TBX19: variants seen among roughly 807,000 people sequenced by gnomAD.
The protein encoded by TBX19 is T-box transcription factor 19, also known as T-box transcription factor TBX19.
TBX19 carries 33 observed loss-of-function variants against 40.9 expected under a neutral mutation model. That is an observed-to-expected ratio of 0.81 (90% CI 0.61 to 1.08). TBX19 has a LOEUF of 1.08. Among genes scored for constraint, TBX19 ranks in the 50% least tolerant of loss-of-function variants. TBX19 has a pLI of 0.00. For missense variants in TBX19, 494 were observed against 574.0 expected, an observed-to-expected ratio of 0.86 and a Z score of 1.42; for synonymous variants, 220 against 225.0, an observed-to-expected ratio of 0.98 and a Z score of 0.20.
Position 168,312,932 on chromosome 1 carries a change from C to T in TBX19, c.1277C>T (p.Ser426Leu), listed in dbSNP as rs148791684. 30 of 1,614,236 alleles carry T rather than the reference C, an allele frequency of 1.9e-5. No homozygotes were observed. In the African/African-American group the frequency reaches 2.7e-4, roughly 14 times the overall value. ...IAVSTWTAVA[S>L]HPFAGWGGPG... ...GTGTCCACCTGGACAGCAGTGGCCT[C>T]GCATCCCTTCGCGGGCTGGGGTGGC... is the stretch of plus-strand genomic sequence containing the variant. The change falls in exon 8 of 8, where the codon TCG (serine) becomes TTG (leucine). Residue 426 changes from serine to leucine, a missense_variant. Coordinates refer to ENST00000367821, the MANE Select transcript of TBX19 (RefSeq NM_005149.3).
In TBX19 at chr1:168,298,824, T is replaced by TCCCC. The variant is rs1558192751; in HGVS notation, c.665+1039_665+1040insCCCC. ...TCCCCTCCCTCCCTCCCTCCCTTCC[T>TCCCC]TTCTTTCTTTCTTTCTTTCTTTCTT... On this transcript the variant is annotated intron_variant, in intron 4 of 7. Coordinates refer to ENST00000367821, the MANE Select transcript of TBX19 (RefSeq NM_005149.3). Among the ~76,000 whole-genome samples the TCCCC allele has an allele frequency of 3.5e-3, 47 of 13,336 alleles. 1 individual carries two copies. Among genetic ancestry groups the TCCCC allele is most frequent in the East Asian group, 0.013 (3 of 224 alleles). The allele number at this position is 13,336 out of a possible 152,430, so 8.7% of individuals were successfully genotyped here. A position where few individuals can be genotyped will look rare whatever the true frequency, so the allele number is the denominator to read the frequency against.
At chr1:168,300,727 TTC>T (rs1649256824) in intron 5 of TBX19, among the ~76,000 whole-genome samples, 1 of 152,196 alleles carries the variant, frequency 6.6e-6, no homozygotes, top group South Asian at 2.1e-4. Flanking sequence ...AATGATGAAT[TTC>T]TTAGACTCTG....
chr1:168,298,897 TTC>T lies in TBX19; in HGVS notation c.665+1126_665+1127del, dbSNP rs373554389. Reference sequence around the variant, plus strand: ...TTTCTTTCTTTCTTTCTTTCTTTCTTTCTCTCTCTCTCTCTTTCTTTCATTCT... The same window carrying T: ...TTTCTTTCTTTCTTTCTTTCTTTCTTTCTCTCTCTCTCTTTCTTTCATTCT... On this transcript the variant is annotated intron_variant, in intron 4 of 7. Transcript: ENST00000367821. Among the ~76,000 whole-genome samples the T allele has an allele frequency of 2.9e-3, 303 of 103,942 alleles. 24 individuals are homozygous for T. The highest frequency in any genetic ancestry group is 0.023 in the East Asian group (63 of 2,756). 68.2% of individuals were successfully genotyped at this position (103,942 alleles called of 152,430 possible).
chr1:168,295,234 T>G lies in TBX19; in HGVS notation c.603+1956T>G, dbSNP rs545538235. On this transcript the variant is annotated intron_variant, in intron 3 of 7. Transcript: ENST00000367821. The stretch of plus-strand genomic sequence containing the variant: ...TGAACCTGGGAGGCGGAGGTTGCAG[T>G]GAGCCGAGATTGCGCCACTGCACTC... 8.6e-5 allele frequency among the ~76,000 whole-genome samples: 13 copies of G among 151,718 alleles called. No individual in the cohort carries two copies. The East Asian group carries it at 2.3e-3, about 27-fold the overall frequency.
intron 5 of TBX19, among the ~76,000 whole-genome samples, chr1:168,300,692 G>A (rs4656578): frequency 1 from 152,064 of 152,338 alleles, 75,895 homozygotes; most frequent in Middle Eastern, 1. Context: ...ACTTAAAAAA[G>A]TCTTAGGCAG....
At position 168,312,700 on chromosome 1, in the gene TBX19, C is replaced by T; in HGVS notation, c.1053-8C>T. On this transcript the variant is annotated splice_region_variant and splice_polypyrimidine_tract_variant and intron_variant, in intron 7 of 7. Transcript: ENST00000367821. ...ACATTCCCTTCCCCTCTTTCTCTGT[C>T]TCTGCAGCCCCTACCCGTGCCTGTG... is the stretch of plus-strand genomic sequence containing the variant. 1 of 1,610,526 alleles carries T rather than the reference C, an allele frequency of 6.2e-7. No individual in the cohort carries two copies. Among genetic ancestry groups the T allele is most frequent in the Non-Finnish European group, 8.5e-7 (1 of 1,180,002 alleles).
intron 1 of TBX19, among the ~76,000 whole-genome samples, chr1:168,289,133 C>T (rs997018683): frequency 2.0e-5 from 3 of 152,186 alleles, no homozygotes; most frequent in Non-Finnish European, 2.9e-5. Context: ...CCATATACCT[C>T]GTATAAACGG....
chr1:168,311,409 G>T (rs1021732171), intron 7 of TBX19, among the ~76,000 whole-genome samples: 31 of 152,238 alleles, frequency 2.0e-4, no homozygotes, highest in African/African-American at 7.0e-4. Flanking sequence ...ATCAGAAAGG[G>T]TCTGTAAGAG....
intron 6 of TBX19, chr1:168,308,456 C>T (rs1016148101): frequency 7.1e-6 from 3 of 420,832 alleles, no homozygotes; most frequent in Non-Finnish European, 1.3e-5. Flanking sequence ...TTAGACAGAT[C>T]GGTGTTACCC....
intron 5 of TBX19, 81 bp from the exon 6 acceptor site, chr1:168,304,926 CT>C (rs1649362411): frequency 7.4e-7 from 1 of 1,348,144 alleles, no homozygotes; most frequent in Non-Finnish European, 1.1e-6. Context: ...AGAATTGTAG[CT>C]GTGTAAAGTA....
chr1:168,298,474 T>G (rs1167163278), intron 4 of TBX19, among the ~76,000 whole-genome samples: 1 of 152,162 alleles, frequency 6.6e-6, no homozygotes, highest in Non-Finnish European at 1.5e-5. Flanking sequence ...ACATTTAGCC[T>G]AGGAAAAGTG....
rs147515181 is a variant in TBX19 at position 168,308,276 on chromosome 1, G to A, written c.917-466G>A. ...GGATTACAGGTGTGGGCACCATGCC[G>A]GGCCAAAAGGCACTGTGCTTGAGAT... On this transcript the variant is annotated intron_variant, in intron 6 of 7. Coordinates refer to ENST00000367821, the MANE Select transcript of TBX19 (RefSeq NM_005149.3). The A allele has an allele frequency of 1.4e-4, 27 of 189,774 alleles. No homozygotes were observed. In the East Asian group the frequency reaches 2.6e-3, roughly 19 times the overall value. 11.8% of individuals were successfully genotyped at this position (189,774 alleles called of 1,614,324 possible).
chr1:168,308,606 C>T, intron 6 of TBX19, 136 bp from the exon 7 acceptor site: 1 of 1,111,870 alleles, frequency 9.0e-7, no homozygotes, highest in Non-Finnish European at 1.3e-6. Context: ...TTTCTATTTC[C>T]CTGAGAAAGA....
chr1:168,302,081 A>G (rs971935061), intron 5 of TBX19, among the ~76,000 whole-genome samples: 2 of 152,228 alleles, frequency 1.3e-5, no homozygotes, highest in African/African-American at 4.8e-5. Flanking sequence ...GGCCATGTGC[A>G]GAACCATAGG....
intron 5 of TBX19, among the ~76,000 whole-genome samples, chr1:168,300,839 C>A (rs1649259840): frequency 6.6e-6 from 1 of 152,190 alleles, no homozygotes; most frequent in African/African-American, 2.4e-5. Flanking sequence ...TGGAGTTCTC[C>A]TGTTCTTAGT....
At chr1:168,297,848 T>A in intron 4 of TBX19, 63 bp downstream of exon 4, 1 of 1,394,092 alleles carries the variant, frequency 7.2e-7, no homozygotes, top group Non-Finnish European at 1.0e-6. Context: ...AAATGTGGAA[T>A]TTATGATTAT....
At position 168,291,368 on chromosome 1, in the gene TBX19, G is replaced by C; in HGVS notation, c.412G>C (p.Ala138Pro). 3 of 1,614,222 alleles carry C rather than the reference G, an allele frequency of 1.9e-6. No individual in the cohort carries two copies. The highest frequency in any genetic ancestry group is 2.5e-6 in the Non-Finnish European group (3 of 1,180,042). Residue 138 changes from alanine to proline, a missense_variant, in exon 2 of 8, where the codon GCT (alanine) becomes CCT (proline). Coordinates refer to ENST00000367821, the MANE Select transcript of TBX19 (RefSeq NM_005149.3). ...SPNFGAHWMKAPISFSKVKLT... is the reference protein window; with the variant it reads ...SPNFGAHWMKPPISFSKVKLT... ...CAACTTTGGGGCCCACTGGATGAAA[G>C]CTCCCATCTCCTTCAGCAAAGTGAA...
At chr1:168,310,159 A>G (rs1649487512) in intron 7 of TBX19, among the ~76,000 whole-genome samples, 1 of 152,048 alleles carries the variant, frequency 6.6e-6, no homozygotes, top group Non-Finnish European at 1.5e-5. Context: ...AAAATTAGCC[A>G]GGCGTGGTGG....
At chr1:168,292,940 G>A (rs1047935358) in intron 2 of TBX19, among the ~76,000 whole-genome samples, 1 of 145,756 alleles carries the variant, frequency 6.9e-6, no homozygotes, top group Non-Finnish European at 1.5e-5. Flanking sequence ...AGGCTTCAAT[G>A]TTATGCTTCC....
Sources: allele counts gnomAD v4.1 joint callset (sites outside exome capture counted in the v4.1 genomes callset), GRCh38; gene constraint gnomAD v4.1.1; transcripts MANE v1.5; gene names NCBI Gene and HGNC (gene_info 2026-07-23, HGNC 2026-07-21).